The following MPDZ variants were observed in gnomAD, a reference collection of about 807,000 sequenced individuals.
MPDZ encodes the protein multiple PDZ domain protein.
Under a neutral mutation model 239.1 loss-of-function variants are expected in MPDZ, and 234 were observed. The observed-to-expected ratio is 0.98, with a 90% CI of 0.88 to 1.09. The LOEUF is 1.09. Ranked by LOEUF, MPDZ falls within the 50% of genes least tolerant of loss-of-function variation. The pLI, the probability that MPDZ is intolerant of heterozygous loss-of-function variation, is 0.00. For synonymous variants in MPDZ, 1,048 were observed against 881.3 expected (o/e 1.19, Z -3.35); for missense variants, 3,175 against 2,510.0 (o/e 1.26, Z -5.66).
intron 19 of MPDZ, among the ~76,000 whole-genome samples, chr9:13,182,432 T>C (rs976728621): frequency 1.3e-5 from 2 of 152,134 alleles, no homozygotes; most frequent in Admixed American, 1.3e-4. Context: ...TCCTTTTTTC[T>C]CCAAGGATAA....
At chr9:13,165,542 C>G in intron 22 of MPDZ, 1 of 913,514 alleles carries the variant, frequency 1.1e-6, no homozygotes, top group South Asian at 1.8e-5. Flanking sequence ...TCCCCCTTTC[C>G]ACCTCCCTCC....
Position 13,176,377 on chromosome 9 carries a change from T to A in MPDZ, c.2690A>T (p.His897Leu). The A allele has an allele frequency of 6.2e-7, 1 of 1,603,424 alleles. No individual in the cohort carries two copies. Among genetic ancestry groups the A allele is most frequent in the East Asian group, 2.2e-5 (1 of 44,512 alleles). The change falls in exon 20 of 47, where the codon CAT (histidine) becomes CTT (leucine). Residue 897 changes from histidine (H) to leucine (L), a missense_variant. His to Leu is a moderately conservative substitution (Grantham distance 99). Coordinates refer to ENST00000319217, the MANE Select transcript of MPDZ (RefSeq NM_001378778.1). ...GGTATATAGTTCCTCCAGAGACATA[T>A]GCAGATCAAGTACTGGATCACAAGA... ...ENSCDPVLDL[H>L]MSLEELYTQN...
intron 32 of MPDZ, among the ~76,000 whole-genome samples, chr9:13,129,160 G>A (rs1047817679): frequency 6.6e-6 from 1 of 152,132 alleles, no homozygotes; most frequent in African/African-American, 2.4e-5. Context: ...ACAATTTATT[G>A]ATATCAGAAA....
chr9:13,165,592 G>C, intron 22 of MPDZ: 2 of 602,616 alleles, frequency 3.3e-6, no homozygotes, highest in East Asian at 5.6e-5. Flanking sequence ...CTCTTTACTA[G>C]TGTCTATAGC....
At chr9:13,184,751 T>C (rs910308682) in intron 18 of MPDZ, among the ~76,000 whole-genome samples, 3 of 152,012 alleles carry the variant, frequency 2.0e-5, no homozygotes, top group South Asian at 4.1e-4. Flanking sequence ...TGTATGTATA[T>C]TGCTGATATC....
At chr9:13,108,125 T>C (rs1941796284) in intron 46 of MPDZ, among the ~76,000 whole-genome samples, 1 of 152,162 alleles carries the variant, frequency 6.6e-6, no homozygotes, top group African/African-American at 2.4e-5. Flanking sequence ...CCAAAGGCCC[T>C]GTATCAAATT....
At chr9:13,179,818 A>G (rs186528071) in intron 19 of MPDZ, among the ~76,000 whole-genome samples, 1 of 152,196 alleles carries the variant, frequency 6.6e-6, no homozygotes, top group African/African-American at 2.4e-5. Context: ...AGAGTTGGGC[A>G]TATTATTTAC....
intron 34 of MPDZ, among the ~76,000 whole-genome samples, chr9:13,126,244 G>T (rs911619082): frequency 6.6e-6 from 1 of 152,166 alleles, no homozygotes; most frequent in African/African-American, 2.4e-5. Flanking sequence ...TCACTGTTAA[G>T]GAGTTTAAAG....
chr9:13,193,016 A>T (rs1471605908), intron 14 of MPDZ, 151 bp downstream of exon 14: 1 of 613,358 alleles, frequency 1.6e-6, no homozygotes, highest in African/African-American at 1.9e-5. Context: ...CAGATACAAA[A>T]TTTCTGCTTT....
rs1171076419 is a variant in MPDZ at position 13,198,733 on chromosome 9, CTCTCTGTGTGTGTGTGTG to C, written c.1547-2521_1547-2504del. 6.6e-4 allele frequency among the ~76,000 whole-genome samples: 59 copies of C among 89,512 alleles called. 1 individual carries two copies. The highest frequency in any genetic ancestry group is 1.3e-3 in the African/African-American group (47 of 35,368). The allele number at this position is 89,512 out of a possible 152,430, so 58.7% of individuals were successfully genotyped here. A position where few individuals can be genotyped will look rare whatever the true frequency, so the allele number is the denominator to read the frequency against. On this transcript the variant is annotated intron_variant, in intron 12 of 46. Transcript: ENST00000319217. ...TCTTATATTTAGGTCTTTAATCTCT[CTCTCTGTGTGTGTGTGTG>C]TGTGTGTGTGTGTGTGTGTGTGTGT...
intron 22 of MPDZ, among the ~76,000 whole-genome samples, chr9:13,167,844 T>C (rs574200019): frequency 7.2e-5 from 11 of 152,232 alleles, no homozygotes; most frequent in African/African-American, 2.6e-4. Context: ...CTCCATGACC[T>C]ACAAACAGAC....
chr9:13,235,868 A>G (rs1963807368), intron 3 of MPDZ, among the ~76,000 whole-genome samples: 1 of 152,120 alleles, frequency 6.6e-6, no homozygotes, highest in African/African-American at 2.4e-5. Flanking sequence ...AAGGAAATAA[A>G]GAGTATGTAA....
chr9:13,133,323 A>C (rs909783483), intron 32 of MPDZ, among the ~76,000 whole-genome samples: 3 of 152,202 alleles, frequency 2.0e-5, no homozygotes, highest in Admixed American at 1.3e-4. Context: ...TTTAACCACA[A>C]CAATAATAGT....
At chr9:13,275,705 G>C (rs538786951) in intron 1 of MPDZ, among the ~76,000 whole-genome samples, 1 of 152,164 alleles carries the variant, frequency 6.6e-6, no homozygotes, top group Non-Finnish European at 1.5e-5. Flanking sequence ...TGGGTTATTG[G>C]AAAGTGGAAA....
Position 13,236,881 on chromosome 9 carries a change from G to C in MPDZ, c.183+10754C>G, listed in dbSNP as rs1964191225. 2.6e-5 allele frequency among the ~76,000 whole-genome samples: 4 copies of C among 151,674 alleles called. 1 individual carries two copies. In the Middle Eastern group the frequency reaches 0.01, roughly 390 times the overall value. Reference sequence around the variant, plus strand: ...TACCTCTCCCCTGAGTTTCCACCGAGATCCTAATTTCAAAAATAATGGGTT... The same window carrying C: ...TACCTCTCCCCTGAGTTTCCACCGACATCCTAATTTCAAAAATAATGGGTT... On this transcript the variant is annotated intron_variant, in intron 3 of 46. Transcript: ENST00000319217.
intron 21 of MPDZ, among the ~76,000 whole-genome samples, chr9:13,173,025 G>A (rs1375192408): frequency 2.0e-5 from 3 of 152,142 alleles, no homozygotes; most frequent in African/African-American, 4.8e-5. Context: ...AGTCAAATAT[G>A]GACAAATACT....
intron 39 of MPDZ, among the ~76,000 whole-genome samples, chr9:13,116,993 C>G (rs934733449): frequency 5.9e-5 from 9 of 152,078 alleles, no homozygotes; most frequent in African/African-American, 1.9e-4. Context: ...CAGTGGATGC[C>G]TGACACTATG....
chr9:13,200,486 C>T lies in MPDZ; in HGVS notation c.1547-4256G>A, dbSNP rs532464903. ...CTCCTTCGGGTTTGGTTTGTTCTTG[C>T]TCTTCTAAGGTTCATAATTAGTTTG... On this transcript the variant is annotated intron_variant, in intron 12 of 46. Coordinates refer to ENST00000319217, the MANE Select transcript of MPDZ (RefSeq NM_001378778.1). Among the ~76,000 whole-genome samples, 19 of 151,934 alleles carry T rather than the reference C, an allele frequency of 1.3e-4. No individual in the cohort carries two copies. In the South Asian group the frequency reaches 4.0e-3, roughly 32 times the overall value.
At chr9:13,110,485 A>G in intron 44 of MPDZ, 151 bp downstream of exon 44, 1 of 660,008 alleles carries the variant, frequency 1.5e-6, no homozygotes, top group Non-Finnish European at 2.6e-6. Context: ...TATGCACTTT[A>G]TTGGAACTCT....
Sources: allele counts gnomAD v4.1 joint callset (sites outside exome capture counted in the v4.1 genomes callset), GRCh38; gene constraint gnomAD v4.1.1; transcripts MANE v1.5; gene names NCBI Gene and HGNC (gene_info 2026-07-23, HGNC 2026-07-21).